RALYL: variants seen among roughly 807,000 people sequenced by gnomAD.
RALYL encodes the protein RALY RNA binding protein like, also known as RNA-binding Raly-like protein.
A neutral mutation model predicts 35.1 loss-of-function variants in RALYL; 29 were observed. That is an observed-to-expected ratio of 0.83 (90% CI 0.61 to 1.13). The LOEUF (loss-of-function observed/expected upper bound fraction) is 1.13, where lower values mean the gene tolerates loss of function less well. Among genes scored for constraint, RALYL ranks in the 50% most tolerant of loss-of-function variants. The pLI is 0.00. For missense variants in RALYL, 359 were observed against 360.4 expected (o/e 1.00, Z 0.03); for synonymous variants, 120 against 127.6 (o/e 0.94, Z 0.40).
At chr8:84,660,944 T>A (rs149532761) in intron 2 of RALYL, among the ~76,000 whole-genome samples, 3 of 152,242 alleles carry the variant, frequency 2.0e-5, no homozygotes, top group Non-Finnish European at 2.9e-5. Flanking sequence ...TTATTTATTT[T>A]TTGAGACAGA....
chr8:84,380,798 G>T (rs190021093), intron 1 of RALYL, among the ~76,000 whole-genome samples: 1 of 151,822 alleles, frequency 6.6e-6, no homozygotes, highest in Admixed American at 6.6e-5. Flanking sequence ...GTCATCACAG[G>T]TGTCCTTAAC....
At chr8:84,372,886 G>GTTTTTTGTTTT (rs1856060899) in intron 1 of RALYL, among the ~76,000 whole-genome samples, 1 of 39,064 alleles carries the variant, frequency 2.6e-5, no homozygotes, top group Non-Finnish European at 4.5e-5. Context: ...GCCAGCATCT[G>GTTTTTTGTTTT]TTTTTTTTTT....
intron 7 of RALYL, among the ~76,000 whole-genome samples, chr8:84,876,775 G>T (rs1043912866): frequency 6.6e-6 from 1 of 152,144 alleles, no homozygotes; most frequent in Non-Finnish European, 1.5e-5. Flanking sequence ...TGGGATGTTA[G>T]ACTTACGTCT....
intron 2 of RALYL, among the ~76,000 whole-genome samples, chr8:84,735,883 G>A (rs1327782524): frequency 6.7e-6 from 1 of 150,022 alleles, no homozygotes; most frequent in Non-Finnish European, 1.5e-5. Context: ...TGTCATTCAG[G>A]ATGTCATCTC....
intron 8 of RALYL, among the ~76,000 whole-genome samples, chr8:84,893,579 T>G (rs6473570): frequency 0.46 from 69,660 of 152,016 alleles, 18,981 homozygotes; most frequent in African/African-American, 0.75. Flanking sequence ...TTATAAAGCT[T>G]TCAGATGTGT....
intron 1 of RALYL, among the ~76,000 whole-genome samples, chr8:84,491,691 A>G (rs115665220): frequency 2.5e-4 from 38 of 152,166 alleles, no homozygotes; most frequent in Non-Finnish European, 5.0e-4. Context: ...ACTTTTTGCT[A>G]TCTAAGAATT....
chr8:84,334,193 T>C (rs894817055), intron 1 of RALYL, among the ~76,000 whole-genome samples: 1 of 152,156 alleles, frequency 6.6e-6, no homozygotes, highest in Non-Finnish European at 1.5e-5. Flanking sequence ...CATGTTTTAA[T>C]ACCAGGCCGT....
intron 1 of RALYL, among the ~76,000 whole-genome samples, chr8:84,391,164 T>C (rs1183377149): frequency 6.6e-6 from 1 of 151,942 alleles, no homozygotes; most frequent in Non-Finnish European, 1.5e-5. Context: ...TAACATCTCA[T>C]TGCGTGGACG....
rs561716963 is a variant in RALYL at position 84,188,233 on chromosome 8, A to T, written c.-24+3809A>T. On this transcript the variant is annotated intron_variant, in intron 1 of 8. Coordinates refer to ENST00000521268, the MANE Select transcript of RALYL (RefSeq NM_173848.7). ...ATGAAATCTTTATTTTTAAATGATG[A>T]TTAGCTGAGACTTTAAAAATAGTTA... is the stretch of plus-strand genomic sequence containing the variant. Among the ~76,000 whole-genome samples the T allele has an allele frequency of 3.9e-5, 6 of 152,122 alleles. No homozygotes were observed. The South Asian group carries it at 1.2e-3, about 31-fold the overall frequency.
chr8:84,291,886 C>G (rs57538308), intron 1 of RALYL, among the ~76,000 whole-genome samples: 7,177 of 148,974 alleles, frequency 0.048, 267 homozygotes, highest in African/African-American at 0.084. Flanking sequence ...ATTTAAGAAG[C>G]TAAATAATAA....
chr8:84,709,041 T>C (rs571291231), intron 2 of RALYL, among the ~76,000 whole-genome samples: 2 of 152,324 alleles, frequency 1.3e-5, no homozygotes, highest in South Asian at 4.1e-4. Context: ...ATCGACCTTA[T>C]CCATATTATC....
intron 4 of RALYL, among the ~76,000 whole-genome samples, chr8:84,825,031 TG>T (rs1196953411): frequency 6.6e-6 from 1 of 152,094 alleles, no homozygotes; most frequent in East Asian, 1.9e-4. Context: ...AGCTTCTGCA[TG>T]CAAGAGAAAC....
At chr8:84,794,789 C>A (rs1821536152) in intron 3 of RALYL, among the ~76,000 whole-genome samples, 1 of 152,170 alleles carries the variant, frequency 6.6e-6, no homozygotes, top group African/African-American at 2.4e-5. Context: ...ATCTTTCTTG[C>A]CAGGAGGTTC....
intron 2 of RALYL, among the ~76,000 whole-genome samples, chr8:84,648,947 C>T (rs1828094075): frequency 6.6e-6 from 1 of 151,804 alleles, no homozygotes; most frequent in African/African-American, 2.4e-5. Context: ...AAATGATAGT[C>T]TTATTTATCT....
intron 1 of RALYL, among the ~76,000 whole-genome samples, chr8:84,250,536 C>T (rs1190363299): frequency 2.0e-5 from 3 of 151,576 alleles, no homozygotes; most frequent in Non-Finnish European, 4.4e-5. Context: ...ACATAATGGC[C>T]ATTTTTGATA....
intron 1 of RALYL, among the ~76,000 whole-genome samples, chr8:84,325,784 T>G (rs568922689): frequency 6.6e-6 from 1 of 152,292 alleles, no homozygotes; most frequent in South Asian, 2.1e-4. Context: ...TAACTTTTGG[T>G]CTGTGTCTCT....
chr8:84,388,111 C>T (rs1416545304), intron 1 of RALYL, among the ~76,000 whole-genome samples: 6 of 151,850 alleles, frequency 4.0e-5, no homozygotes, highest in African/African-American at 1.5e-4. Context: ...TTTGTTCTTG[C>T]GATAGTTTAC....
intron 1 of RALYL, among the ~76,000 whole-genome samples, chr8:84,395,101 C>T (rs1311228793): frequency 6.6e-6 from 1 of 151,694 alleles, no homozygotes; most frequent in East Asian, 1.9e-4. Context: ...ATTGCTGACC[C>T]ATTTAATGCA....
Position 84,813,863 on chromosome 8 carries a change from TGTCA to T in RALYL, c.365+9062_365+9065del, listed in dbSNP as rs141301678. ...TGTTGGTGTGCTGCACCTATTAACT[TGTCA>T]TTTACAGGAGGTGTATCTCCTAATG... On this transcript the variant is annotated intron_variant, in intron 4 of 8. Transcript: ENST00000521268. Among the ~76,000 whole-genome samples the T allele has an allele frequency of 8.4e-3, 1,270 of 152,062 alleles. 11 individuals are homozygous for T. Among genetic ancestry groups the T allele is most frequent in the African/African-American group, 0.029 (1,217 of 41,402 alleles).
Sources: gnomAD v4.1 joint callset for allele counts (sites outside exome capture counted in the v4.1 genomes callset) on GRCh38, gnomAD v4.1.1 for gene constraint, MANE v1.5 for transcripts, NCBI Gene and HGNC (gene_info 2026-07-23, HGNC 2026-07-21) for gene names.